HECW1: variants seen among roughly 807,000 people sequenced by gnomAD.
HECW1 encodes E3 ubiquitin-protein ligase HECW1.
Under a neutral mutation model 182.3 loss-of-function variants are expected in HECW1, and 61 were observed. The observed-to-expected ratio is 0.33, with a 90% CI of 0.27 to 0.41. The LOEUF is 0.41. Among genes scored for constraint, HECW1 ranks in the 10% least tolerant of loss-of-function variants. The pLI is 1.00. For missense variants in HECW1, 1,739 were observed against 2,108.9 expected, an observed-to-expected ratio of 0.82 and a Z score of 3.44; for synonymous variants, 859 against 832.6, an observed-to-expected ratio of 1.03 and a Z score of -0.55.
At chr7:43,255,423 A>AC (rs1394521210) in intron 3 of HECW1, among the ~76,000 whole-genome samples, 1 of 151,874 alleles carries the variant, frequency 6.6e-6, no homozygotes, top group African/African-American at 2.4e-5. Flanking sequence ...ACATGGTGAA[A>AC]CCCCCTCTCT....
chr7:43,541,986 G>C lies in HECW1; in HGVS notation c.4236G>C (p.Glu1412Asp), dbSNP rs2152953859. ...ILDLTFTVNE[E>D]VFGQVTEREL... ...ACCTCACTTTCACTGTTAATGAAGA[G>C]GTTTTTGGACAGGTTTGTGTGACAT... Residue 1412 changes from glutamate to aspartate, a missense_variant, in exon 26 of 30, where the codon GAG becomes GAC. Physicochemically the swap from Glu to Asp is conservative, Grantham distance 45 (BLOSUM62 2). Coordinates refer to ENST00000395891, the MANE Select transcript of HECW1 (RefSeq NM_015052.5). 6.5e-7 allele frequency: 1 copy of C among 1,531,746 alleles called. No homozygotes were observed. The highest frequency in any genetic ancestry group is 2.4e-5 in the East Asian group (1 of 40,946). 94.9% of individuals were successfully genotyped at this position (1,531,746 alleles called of 1,614,324 possible).
chr7:43,224,496 A>G (rs1797253171), intron 2 of HECW1, among the ~76,000 whole-genome samples: 1 of 152,160 alleles, frequency 6.6e-6, no homozygotes. Context: ...AAAAGAATGC[A>G]CCTTTAACAA....
chr7:43,479,839 G>C, intron 17 of HECW1, 95 bp downstream of exon 17: 3 of 1,469,046 alleles, frequency 2.0e-6, no homozygotes, highest in Non-Finnish European at 1.9e-6. Context: ...AGGATCTAGG[G>C]TTGCCTGCGC....
intron 5 of HECW1, among the ~76,000 whole-genome samples, chr7:43,356,489 T>C (rs1401772286): frequency 6.6e-6 from 1 of 152,176 alleles, no homozygotes; most frequent in Non-Finnish European, 1.5e-5. Flanking sequence ...CTCTCCATAA[T>C]GGCCATATCA....
chr7:43,128,064 G>A (rs1227742831), intron 2 of HECW1, among the ~76,000 whole-genome samples: 2 of 152,100 alleles, frequency 1.3e-5, no homozygotes, highest in African/African-American at 4.8e-5. Flanking sequence ...TTTTTATGTA[G>A]AGATGAGGTT....
At chr7:43,221,010 T>A (rs559272932) in intron 2 of HECW1, among the ~76,000 whole-genome samples, 1 of 152,266 alleles carries the variant, frequency 6.6e-6, no homozygotes, top group Admixed American at 6.5e-5. Context: ...CCATTTGGGC[T>A]CAGCATTTAG....
chr7:43,351,678 C>CTTTTT (rs200929407), intron 5 of HECW1, among the ~76,000 whole-genome samples: 3 of 120,570 alleles, frequency 2.5e-5, no homozygotes, highest in Admixed American at 8.4e-5. Context: ...TTTCTTTCTT[C>CTTTTT]TTTTTTTTTT....
chr7:43,351,440 C>G (rs10254443), intron 5 of HECW1, among the ~76,000 whole-genome samples: 4,105 of 152,176 alleles, frequency 0.027, 90 homozygotes, highest in Non-Finnish European at 0.039. Context: ...AGATTATATG[C>G]CCTTTATCTT....
At chr7:43,428,784 A>C (rs2076439978) in intron 8 of HECW1, among the ~76,000 whole-genome samples, 1 of 152,220 alleles carries the variant, frequency 6.6e-6, no homozygotes, top group Admixed American at 6.5e-5. Context: ...TACATTGCTT[A>C]TGATCACACA....
At chr7:43,158,517 A>G (rs1334727158) in intron 2 of HECW1, among the ~76,000 whole-genome samples, 1 of 152,226 alleles carries the variant, frequency 6.6e-6, no homozygotes, top group Non-Finnish European at 1.5e-5. Context: ...CATACAAAAT[A>G]TGTATGATAT....
intron 5 of HECW1, among the ~76,000 whole-genome samples, chr7:43,342,508 G>A (rs1034114305): frequency 2.6e-5 from 4 of 151,682 alleles, no homozygotes; most frequent in Non-Finnish European, 5.9e-5. Context: ...ACACTCTTCA[G>A]ACTCAATTTA....
At chr7:43,266,020 G>C (rs1801750316) in intron 3 of HECW1, among the ~76,000 whole-genome samples, 1 of 152,152 alleles carries the variant, frequency 6.6e-6, no homozygotes. Flanking sequence ...ACCAGCTCGG[G>C]AGCACCCCTG....
chr7:43,407,918 G>A (rs17885498), intron 8 of HECW1, among the ~76,000 whole-genome samples, 187 bp downstream of exon 8: 26,469 of 152,050 alleles, frequency 0.17, 2,922 homozygotes, highest in African/African-American at 0.31. Context: ...AAGTCCATCC[G>A]GACAGTACTA....
At chr7:43,491,307 T>C (rs2078924817) in intron 17 of HECW1, among the ~76,000 whole-genome samples, 1 of 152,166 alleles carries the variant, frequency 6.6e-6, no homozygotes, top group African/African-American at 2.4e-5. Context: ...TAAATTTTGG[T>C]TAATAATGCT....
intron 17 of HECW1, among the ~76,000 whole-genome samples, chr7:43,483,547 C>CTTTTTTTTTT (rs549214390): frequency 5.9e-5 from 7 of 119,046 alleles, no homozygotes; most frequent in Non-Finnish European, 1.0e-4. Context: ...CATGCAAACT[C>CTTTTTTTTTT]TTTTTTTTTT....
intron 3 of HECW1, among the ~76,000 whole-genome samples, chr7:43,287,795 T>C (rs1804851935): frequency 6.6e-6 from 1 of 152,176 alleles, no homozygotes; most frequent in Non-Finnish European, 1.5e-5. Flanking sequence ...ACAGGGCAGA[T>C]TTTGAAGCCA....
rs750294139 is a variant in HECW1 at position 43,456,376 on chromosome 7, G to T, written c.2580G>T (p.Pro860=). 6.2e-7 allele frequency: 1 copy of T among 1,614,084 alleles called. No homozygotes were observed. Among genetic ancestry groups the T allele is most frequent in the South Asian group, 1.1e-5 (1 of 91,042 alleles). The change falls in exon 13 of 30, where the codon CCG becomes CCT. Residue 860 remains proline, a synonymous_variant. Transcript: ENST00000395891. ...HVNRTTTWQR[P]TAAATPDGMR... is the part of the protein sequence containing the mutation. ...ACCGCACAACCACCTGGCAGCGTCC[G>T]ACGGCAGCAGCCACCCCGGATGGCA...
rs562726397 is a variant in HECW1, at chr7:43,259,341, C to T, written c.27+15409C>T. Among the ~76,000 whole-genome samples the T allele has an allele frequency of 9.3e-5, 14 of 151,138 alleles. No homozygotes were observed. The South Asian group carries it at 1.0e-3, about 11-fold the overall frequency. On this transcript the variant is annotated intron_variant, in intron 3 of 29. Transcript: ENST00000395891. The stretch of plus-strand genomic sequence containing the variant: ...GGTGGAGGTTGCAGTGAGCTGAGAT[C>T]GCAGTGCTGCGCTCCAGCCTGGGCA...
At chr7:43,255,649 AT>A (rs1000760533) in intron 3 of HECW1, among the ~76,000 whole-genome samples, 1 of 151,746 alleles carries the variant, frequency 6.6e-6, no homozygotes, top group Non-Finnish European at 1.5e-5. Flanking sequence ...TTTTCAACAG[AT>A]TTATTCATAA....
Sources: gnomAD v4.1 joint callset for allele counts (sites outside exome capture counted in the v4.1 genomes callset) on GRCh38, gnomAD v4.1.1 for gene constraint, MANE v1.5 for transcripts, NCBI Gene and HGNC (gene_info 2026-07-23, HGNC 2026-07-21) for gene names.